The following RBPMS2 variants were observed in gnomAD, a reference collection of about 807,000 sequenced individuals.
RBPMS2 encodes RNA-binding protein with multiple splicing 2.
RBPMS2 carries 14 observed loss-of-function variants against 25.7 expected under a neutral mutation model. That is an observed-to-expected ratio of 0.55 (90% CI 0.36 to 0.85). The LOEUF (loss-of-function observed/expected upper bound fraction) is 0.85, where lower values mean the gene tolerates loss of function less well. RBPMS2 is among the 40% of genes least tolerant of loss of function. RBPMS2 has a pLI of 0.01. For missense variants in RBPMS2, 252 were observed against 283.4 expected (o/e 0.89, Z 0.80); for synonymous variants, 127 against 115.6 (o/e 1.10, Z -0.63).
chr15:64,763,712 G>A (rs1342411515), intron 1 of RBPMS2, among the ~76,000 whole-genome samples: 1 of 152,050 alleles, frequency 6.6e-6, no homozygotes, highest in Non-Finnish European at 1.5e-5. Flanking sequence ...TGGCTGGCCA[G>A]TGGCAGAGCT....
rs932085053 is a variant in RBPMS2 at position 64,748,623 on chromosome 15, G to A, written c.419-56C>T. On this transcript the variant is annotated intron_variant, in intron 5 of 7. Coordinates refer to ENST00000300069, the MANE Select transcript of RBPMS2 (RefSeq NM_194272.3). ...AGAACACTCGCCTCCCCTTCCAAAC[G>A]GAGAAGGGGACCCAGCACTATGGTT... The A allele has an allele frequency of 2.0e-5, 30 of 1,501,334 alleles. No individual in the cohort carries two copies. The African/African-American group carries it at 2.4e-4, about 12-fold the overall frequency. 93.0% of individuals were successfully genotyped at this position (1,501,334 alleles called of 1,614,324 possible). A position where few individuals can be genotyped will look rare whatever the true frequency, so the allele number is the denominator to read the frequency against.
At chr15:64,754,680 G>A (rs375042556) in intron 1 of RBPMS2, among the ~76,000 whole-genome samples, 20 of 151,200 alleles carry the variant, frequency 1.3e-4, no homozygotes, top group Admixed American at 1.1e-3. Context: ...TCCAGCCTGA[G>A]CAACAAGAGC....
chr15:64,765,237 A>G (rs1035465894), intron 1 of RBPMS2, among the ~76,000 whole-genome samples: 3 of 150,106 alleles, frequency 2.0e-5, no homozygotes, highest in African/African-American at 7.3e-5. Flanking sequence ...AAAAAAAAAA[A>G]AAAAAAAAAA....
chr15:64,748,588 C>T (rs1175217481), intron 5 of RBPMS2, 21 bp from the exon 6 acceptor site: 2 of 1,521,440 alleles, frequency 1.3e-6, no homozygotes, highest in African/African-American at 2.8e-5. Flanking sequence ...AGACAATGGC[C>T]TCCATCATCA....
intron 2 of RBPMS2, among the ~76,000 whole-genome samples, 170 bp from the exon 3 acceptor site, chr15:64,750,551 G>A (rs1018556492): frequency 2.0e-5 from 3 of 152,182 alleles, no homozygotes; most frequent in Admixed American, 6.5e-5. Context: ...ACCGCCCTGC[G>A]TTCTGAATCA....
At chr15:64,774,692 G>A (rs1217148867) in intron 1 of RBPMS2, among the ~76,000 whole-genome samples, 1 of 149,196 alleles carries the variant, frequency 6.7e-6, no homozygotes, top group Non-Finnish European at 1.5e-5. Context: ...TGTGAAGAAA[G>A]CCCGCCCACC....
Position 64,749,034 on chromosome 15 carries a change from G to C in RBPMS2, c.384C>G (p.Pro128=), listed in dbSNP as rs1012686621. The change falls in exon 5 of 8, where the codon CCC becomes CCG. Residue 128 remains proline, a synonymous_variant. Transcript: ENST00000300069. The stretch of plus-strand genomic sequence containing the variant: ...GTGCGATGAAGTGTGCTCCTAGGGC[G>C]GGGTGCACGTTGCTGGGATTTGGAG... The part of the protein sequence containing the change: ...MATPNPSNVH[P]ALGAHFIARD... The C allele has an allele frequency of 2.5e-6, 4 of 1,614,070 alleles. No homozygotes were observed. The African/African-American group carries it at 5.3e-5, about 22-fold the overall frequency.
chr15:64,764,227 T>G (rs1035387734), intron 1 of RBPMS2, among the ~76,000 whole-genome samples: 2 of 152,170 alleles, frequency 1.3e-5, no homozygotes, highest in Non-Finnish European at 2.9e-5. Flanking sequence ...ACAGATCTAC[T>G]GCCTGCCTGT....
At chr15:64,764,250 G>A (rs1265318323) in intron 1 of RBPMS2, among the ~76,000 whole-genome samples, 2 of 152,136 alleles carry the variant, frequency 1.3e-5, no homozygotes, top group Admixed American at 6.5e-5. Flanking sequence ...GCCTGGCAAG[G>A]GTTGCAGTTG....
chr15:64,748,634 C>A, intron 5 of RBPMS2, 67 bp from the exon 6 acceptor site: 3 of 1,491,222 alleles, frequency 2.0e-6, no homozygotes, highest in Non-Finnish European at 2.7e-6. Flanking sequence ...GAGAAGGGGA[C>A]CCAGCACTAT....
chr15:64,775,194 G>T, intron 1 of RBPMS2, 39 bp downstream of exon 1: 1 of 1,161,056 alleles, frequency 8.6e-7, no homozygotes, highest in Non-Finnish European at 1.1e-6. Flanking sequence ...CCCGCCTGGC[G>T]TGCGCTTCAC....
chr15:64,740,897 G>A lies in RBPMS2; in HGVS notation c.*111C>T. 2.8e-6 allele frequency: 1 copy of A among 353,672 alleles called. No homozygotes were observed. Among genetic ancestry groups the A allele is most frequent in the Non-Finnish European group, 5.3e-6 (1 of 189,602 alleles). 21.9% of individuals were successfully genotyped at this position (353,672 alleles called of 1,614,324 possible). On this transcript the variant is annotated 3_prime_UTR_variant, in exon 8 of 8. Coordinates refer to ENST00000300069, the MANE Select transcript of RBPMS2 (RefSeq NM_194272.3). Reference sequence around the variant, plus strand: ...GTCAGGCTTGGGATTCACAGTCTCTGGAGGGCAGCAGCTCTGTGCAGGCCG... The same window carrying A: ...GTCAGGCTTGGGATTCACAGTCTCTAGAGGGCAGCAGCTCTGTGCAGGCCG...
In RBPMS2 at chr15:64,761,420, A is replaced by G. The variant is rs574494605; in HGVS notation, c.88-9782T>C. Among the ~76,000 whole-genome samples the G allele has an allele frequency of 4.7e-4, 71 of 152,366 alleles. 1 individual carries two copies. Among genetic ancestry groups the G allele is most frequent in the South Asian group, 3.5e-3 (17 of 4,832 alleles). ...AGCGAGTTGCTCGCAGTTACCGAGC[A>G]TGTCAGAAACAGCCTGTTCCCAAGT... On this transcript the variant is annotated intron_variant, in intron 1 of 7. Transcript: ENST00000300069.
At chr15:64,764,385 T>C (rs912592210) in intron 1 of RBPMS2, among the ~76,000 whole-genome samples, 3 of 152,210 alleles carry the variant, frequency 2.0e-5, no homozygotes, top group Non-Finnish European at 4.4e-5. Flanking sequence ...CATGATGCTA[T>C]GCTGGCATGA....
At chr15:64,744,793 GTTTTGTTTTTTTTT>G (rs2083600672) in intron 6 of RBPMS2, among the ~76,000 whole-genome samples, 6 of 57,796 alleles carry the variant, frequency 1.0e-4, no homozygotes, top group African/African-American at 5.2e-4. Flanking sequence ...TTTTTGGTTT[GTTTTGTTTTTTTTT>G]TTTTTTTTTT....
chr15:64,751,458 G>A (rs774475013), intron 2 of RBPMS2, 103 bp downstream of exon 2: 17 of 927,722 alleles, frequency 1.8e-5, no homozygotes, highest in Middle Eastern at 2.2e-4. Context: ...CTTCTGCCAC[G>A]CCTTCCCGCA....
In RBPMS2 at chr15:64,775,337, G is replaced by A. The variant is rs2083923523; in HGVS notation, c.-18C>T. ...TTGCTCATGGTGCGGGGGAGGGGGC[G>A]GCGGGAAGGAACGCGAGGGCGAGCG... On this transcript the variant is annotated 5_prime_UTR_variant, in exon 1 of 8. Transcript: ENST00000300069. The A allele has an allele frequency of 6.3e-6, 8 of 1,265,968 alleles. No homozygotes were observed. Among genetic ancestry groups the A allele is most frequent in the Admixed American group, 3.9e-5 (1 of 25,774 alleles). The allele number at this position is 1,265,968 out of a possible 1,614,324, so 78.4% of individuals were successfully genotyped here. A position where few individuals can be genotyped will look rare whatever the true frequency, so the allele number is the denominator to read the frequency against.
At chr15:64,760,265 A>G (rs571275002) in intron 1 of RBPMS2, among the ~76,000 whole-genome samples, 3 of 152,298 alleles carry the variant, frequency 2.0e-5, no homozygotes, top group Non-Finnish European at 4.4e-5. Context: ...GGGACCCCAC[A>G]CTTGGTCAGA....
At chr15:64,771,737 G>T (rs1450805375) in intron 1 of RBPMS2, among the ~76,000 whole-genome samples, 1 of 149,632 alleles carries the variant, frequency 6.7e-6, no homozygotes, top group Non-Finnish European at 1.5e-5. Context: ...AGGTGGGCAG[G>T]TCACCTGAGG....
Sources: allele counts gnomAD v4.1 joint callset (sites outside exome capture counted in the v4.1 genomes callset), GRCh38; gene constraint gnomAD v4.1.1; transcripts MANE v1.5; gene names NCBI Gene and HGNC (gene_info 2026-07-23, HGNC 2026-07-21).